Variants in PLEK2 observed in about 807,000 individuals in gnomAD.
PLEK2 encodes the protein pleckstrin-2.
In PLEK2, 29 loss-of-function variants were observed where a neutral mutation model predicts 43.8. That is an observed-to-expected ratio of 0.66 (90% confidence interval 0.49 to 0.90). The LOEUF (loss-of-function observed/expected upper bound fraction) is 0.90. Ranked by LOEUF, PLEK2 falls within the 40% of genes least tolerant of loss-of-function variation. The pLI, the probability that PLEK2 is intolerant of heterozygous loss-of-function variation, is 0.00. For synonymous variants in PLEK2, 162 were observed against 173.2 expected (o/e 0.94, Z 0.51); for missense variants, 398 against 448.1 (o/e 0.89, Z 1.01).
chr14:67,389,094 C>T (rs1277875300), intron 7 of PLEK2, among the ~76,000 whole-genome samples: 6 of 151,818 alleles, frequency 4.0e-5, no homozygotes, highest in African/African-American at 1.2e-4. Flanking sequence ...TGGTGGTATC[C>T]CTGGACGATT....
chr14:67,401,928 C>T (rs1317244774), intron 1 of PLEK2, among the ~76,000 whole-genome samples: 1 of 152,106 alleles, frequency 6.6e-6, no homozygotes, highest in Admixed American at 6.5e-5. Flanking sequence ...GTCAGGAGTT[C>T]GAGAGCAGTC....
chr14:67,400,336 C>T (rs749047545), intron 1 of PLEK2, among the ~76,000 whole-genome samples: 1 of 152,224 alleles, frequency 6.6e-6, no homozygotes, highest in African/African-American at 2.4e-5. Context: ...CACATTTTTG[C>T]TCTCTTCACT....
intron 1 of PLEK2, among the ~76,000 whole-genome samples, chr14:67,409,853 C>G (rs1432253906): frequency 1.3e-5 from 2 of 152,174 alleles, no homozygotes; most frequent in African/African-American, 4.8e-5. Context: ...ATAGGGAATG[C>G]TATTGCCATC....
chr14:67,392,658 T>A lies in PLEK2; in HGVS notation c.669+4A>T, dbSNP rs755638854. On this transcript the variant is annotated splice_donor_region_variant and intron_variant, in intron 5 of 8. Transcript: ENST00000216446. Reference sequence around the variant, plus strand: ...TGGCAAGAAGAACCCACTCCCCAACTTACAAAAGTGTACAGGGCTGTGGAG... The same window carrying A: ...TGGCAAGAAGAACCCACTCCCCAACATACAAAAGTGTACAGGGCTGTGGAG... 35 of 1,607,984 alleles carry A rather than the reference T, an allele frequency of 2.2e-5. No individual in the cohort carries two copies. The highest frequency in any genetic ancestry group is 3.0e-5 in the Non-Finnish European group (35 of 1,175,810).
intron 1 of PLEK2, among the ~76,000 whole-genome samples, chr14:67,400,059 CTA>C (rs1432770630): frequency 6.6e-6 from 1 of 152,144 alleles, no homozygotes; most frequent in African/African-American, 2.4e-5. Flanking sequence ...ATCTCTGGTG[CTA>C]TGATTCTATT....
chr14:67,389,778 T>TA (rs2085953882), intron 7 of PLEK2, among the ~76,000 whole-genome samples: 1 of 147,666 alleles, frequency 6.8e-6, no homozygotes, highest in Non-Finnish European at 1.5e-5. Flanking sequence ...TTTTTTTCTT[T>TA]TTTTTTTTTT....
chr14:67,411,993 G>A, intron 1 of PLEK2, 25 bp downstream of exon 1: 1 of 1,534,820 alleles, frequency 6.5e-7, no homozygotes, highest in South Asian at 1.2e-5. Context: ...CCCGGGCAAT[G>A]TCCCGAAGCT....
rs547867884 is a variant in PLEK2 at position 67,408,760 on chromosome 14, A to C, written c.42+3258T>G. On this transcript the variant is annotated intron_variant, in intron 1 of 8. Coordinates refer to ENST00000216446, the MANE Select transcript of PLEK2 (RefSeq NM_016445.3). ...CCTTGATTTTGCACCTCTAGCCTCC[A>C]GAACTCCTTCTGCTCTTTTTCTTCT... Among the ~76,000 whole-genome samples, 260 of 152,338 alleles carry C rather than the reference A, an allele frequency of 1.7e-3. 3 individuals are homozygous for C. Among genetic ancestry groups the C allele is most frequent in the Non-Finnish European group, 7.2e-4 (49 of 68,014 alleles).
rs376581379 is a variant in PLEK2 at position 67,393,137 on chromosome 14, G to A, written c.481+13C>T. Reference sequence around the variant, plus strand: ...GCTTGACTGCCCAGCCCGGCCCTGGGGGACAGGCTCACCGAGGAAGGTCTT... The same window carrying A: ...GCTTGACTGCCCAGCCCGGCCCTGGAGGACAGGCTCACCGAGGAAGGTCTT... On this transcript the variant is annotated intron_variant, in intron 4 of 8. Transcript: ENST00000216446. 7 of 1,595,242 alleles carry A rather than the reference G, an allele frequency of 4.4e-6. No homozygotes were observed. Among genetic ancestry groups the A allele is most frequent in the Non-Finnish European group, 6.0e-6 (7 of 1,162,746 alleles).
chr14:67,405,169 G>T (rs1408310715), intron 1 of PLEK2, among the ~76,000 whole-genome samples: 1 of 146,054 alleles, frequency 6.8e-6, no homozygotes, highest in African/African-American at 2.6e-5. Context: ...GGAAGTGGAG[G>T]TTGCAGTGAG....
At chr14:67,397,950 A>G in intron 1 of PLEK2, 124 bp from the exon 2 acceptor site, 1 of 725,882 alleles carries the variant, frequency 1.4e-6, no homozygotes, top group East Asian at 2.9e-5. Context: ...CAAGGAAGAC[A>G]GCAGGATTTG....
At chr14:67,392,190 G>T in intron 6 of PLEK2, 136 bp downstream of exon 6, 1 of 667,866 alleles carries the variant, frequency 1.5e-6, no homozygotes. Flanking sequence ...GGCTGGTGCT[G>T]GGCTCTTGCT....
intron 1 of PLEK2, among the ~76,000 whole-genome samples, chr14:67,399,025 C>T (rs565050592): frequency 1.1e-4 from 17 of 152,344 alleles, no homozygotes; most frequent in African/African-American, 3.4e-4. Context: ...TATCCTTGCA[C>T]GTAAATTTTG....
At chr14:67,390,816 G>T in intron 6 of PLEK2, 70 bp from the exon 7 acceptor site, 1 of 1,089,606 alleles carries the variant, frequency 9.2e-7, no homozygotes, top group Non-Finnish European at 1.4e-6. Context: ...ATCTATGCAT[G>T]TAATGCCAAA....
At chr14:67,399,502 A>G (rs2086032891) in intron 1 of PLEK2, among the ~76,000 whole-genome samples, 1 of 147,096 alleles carries the variant, frequency 6.8e-6, no homozygotes, top group Non-Finnish European at 1.5e-5. Flanking sequence ...TGGCAGGAAT[A>G]GAGAAGGGTC....
chr14:67,412,043 A>G lies in PLEK2; in HGVS notation c.17T>C (p.Leu6Pro). 6.4e-7 allele frequency: 1 copy of G among 1,556,766 alleles called. No homozygotes were observed. Among genetic ancestry groups the G allele is most frequent in the Non-Finnish European group, 8.7e-7 (1 of 1,154,548 alleles). The change falls in exon 1 of 9, where the codon CTC becomes CCC. Residue 6 changes from leucine to proline, a missense_variant. Coordinates refer to ENST00000216446, the MANE Select transcript of PLEK2 (RefSeq NM_016445.3). ...CCTCTTGACCAGGAAGCCCTCCTTG[A>G]GCACGCCGTCCTCCATGTCGCCGCC... MEDGV[L>P]KEGFLVKRGH...
At chr14:67,409,511 G>A (rs1405093902) in intron 1 of PLEK2, among the ~76,000 whole-genome samples, 1 of 152,148 alleles carries the variant, frequency 6.6e-6, no homozygotes, top group African/African-American at 2.4e-5. Flanking sequence ...TTCACAATAT[G>A]AGCCCAGCAG....
intron 1 of PLEK2, 149 bp downstream of exon 1, chr14:67,411,869 C>G (rs1209753293): frequency 7.4e-6 from 5 of 671,396 alleles, no homozygotes; most frequent in Middle Eastern, 3.1e-4. Flanking sequence ...CTCTGCCCAT[C>G]AGGGCCACAG....
chr14:67,388,100 C>A, intron 8 of PLEK2, 124 bp downstream of exon 8: 1 of 620,100 alleles, frequency 1.6e-6, no homozygotes, highest in South Asian at 2.0e-5. Flanking sequence ...AAACTCACAC[C>A]ACTCTGTCTC....
Sources: allele counts gnomAD v4.1 joint callset (sites outside exome capture counted in the v4.1 genomes callset), GRCh38; gene constraint gnomAD v4.1.1; transcripts MANE v1.5; gene names NCBI Gene and HGNC (gene_info 2026-07-23, HGNC 2026-07-21).